AHCY: variants seen among roughly 807,000 people sequenced by gnomAD.
AHCY encodes adenosylhomocysteinase, also known as S-adenosyl-L-homocysteine hydrolase.
In AHCY, 24 loss-of-function variants were observed where a neutral mutation model predicts 45.4. That is an observed-to-expected ratio of 0.53 (90% CI 0.38 to 0.74). AHCY has a LOEUF of 0.74. Ranked by LOEUF, AHCY falls within the 30% of genes least tolerant of loss-of-function variation. The pLI, the probability that AHCY is intolerant of heterozygous loss-of-function variation, is 0.00. For missense variants in AHCY, 449 were observed against 594.1 expected, an observed-to-expected ratio of 0.76 and a Z score of 2.54; for synonymous variants, 245 against 235.1, an observed-to-expected ratio of 1.04 and a Z score of -0.39.
Position 34,292,406 on chromosome 20 carries a change from C to A in AHCY, c.397G>T (p.Gly133Cys). The A allele has an allele frequency of 6.2e-7, 1 of 1,613,826 alleles. No homozygotes were observed. The highest frequency in any genetic ancestry group is 8.5e-7 in the Non-Finnish European group (1 of 1,180,048). ...GPLNMILDDG[G>C]DLTNLIHTKY... ...GTGTGGATGAGGTTGGTGAGGTCGC[C>A]CCCGTCGTCCAGAATCATGTTGAGG... Residue 133 changes from glycine (G) to cysteine (C), a missense_variant, in exon 4 of 10, where the codon GGC (glycine) becomes TGC (cysteine). Coordinates refer to ENST00000217426, the MANE Select transcript of AHCY (RefSeq NM_000687.4).
chr20:34,272,614 C>G, the AHCY span, among the ~76,000 whole-genome samples: 1 of 152,144 alleles, frequency 6.6e-6, no homozygotes, highest in African/African-American at 2.4e-5. Flanking sequence ...AGGCCAGGTG[C>G]AGTAGCTCAC....
intron 1 of AHCY, among the ~76,000 whole-genome samples, chr20:34,310,559 C>G (rs115164438): frequency 6.6e-6 from 1 of 152,330 alleles, no homozygotes; most frequent in African/African-American, 2.4e-5. Flanking sequence ...AGCAGTTCCA[C>G]TTCTAGGAAT....
At chr20:34,254,654 T>C in the AHCY span, among the ~76,000 whole-genome samples, 1 of 152,204 alleles carries the variant, frequency 6.6e-6, no homozygotes, top group Non-Finnish European at 1.5e-5. Context: ...AGCATTAATA[T>C]TTTCATTATA....
At chr20:34,243,934 G>A in the AHCY span, among the ~76,000 whole-genome samples, 1 of 152,024 alleles carries the variant, frequency 6.6e-6, no homozygotes, top group Non-Finnish European at 1.5e-5. Flanking sequence ...GCGTGGTGGC[G>A]GGCGCCTGTA....
chr20:34,273,269 T>C, the AHCY span, among the ~76,000 whole-genome samples: 1 of 149,476 alleles, frequency 6.7e-6, no homozygotes, highest in Non-Finnish European at 1.5e-5. Flanking sequence ...TCCTTTGAGG[T>C]CCCCAAATCT....
At chr20:34,268,228 AT>A in the AHCY span, among the ~76,000 whole-genome samples, 1 of 152,190 alleles carries the variant, frequency 6.6e-6, no homozygotes, top group Non-Finnish European at 1.5e-5. Flanking sequence ...ACCAGTGGCT[AT>A]TTCCTTCCCA....
At chr20:34,261,371 C>A in the AHCY span, among the ~76,000 whole-genome samples, 2 of 152,190 alleles carry the variant, frequency 1.3e-5, no homozygotes, top group African/African-American at 2.4e-5. Flanking sequence ...ACGTGGCATG[C>A]ACCTGTAATC....
the AHCY span, among the ~76,000 whole-genome samples, chr20:34,247,826 G>T: frequency 4.6e-5 from 7 of 152,022 alleles, no homozygotes; most frequent in African/African-American, 9.7e-5. Flanking sequence ...CAAACTCCTG[G>T]TCTCAAGCAA....
chr20:34,260,458 G>A, the AHCY span: 4 of 1,614,154 alleles, frequency 2.5e-6, no homozygotes, highest in African/African-American at 1.3e-5. Flanking sequence ...CACCTGAGGA[G>A]AAGCTCCGAG....
chr20:34,257,043 T>C, the AHCY span, among the ~76,000 whole-genome samples: 2 of 149,588 alleles, frequency 1.3e-5, no homozygotes, highest in Non-Finnish European at 3.0e-5. Flanking sequence ...TCTTTCTTTT[T>C]CTTTCTTTCT....
the AHCY span, among the ~76,000 whole-genome samples, chr20:34,233,729 C>T: frequency 1.3e-5 from 2 of 152,172 alleles, no homozygotes; most frequent in Non-Finnish European, 2.9e-5. Flanking sequence ...AGTATTATCA[C>T]CATCCAGAAA....
the AHCY span, among the ~76,000 whole-genome samples, chr20:34,258,783 A>AG: frequency 8.6e-6 from 1 of 116,374 alleles, no homozygotes; most frequent in African/African-American, 3.0e-5. Flanking sequence ...TATATAGTAT[A>AG]TATATAGTGT....
chr20:34,264,588 T>C, the AHCY span, among the ~76,000 whole-genome samples: 81 of 152,296 alleles, frequency 5.3e-4, no homozygotes, highest in Non-Finnish European at 9.4e-4. Flanking sequence ...ACTTGATTGA[T>C]ACTATAGGTT....
At chr20:34,246,441 C>T in the AHCY span, 1 of 1,405,182 alleles carries the variant, frequency 7.1e-7, no homozygotes, top group Non-Finnish European at 1.0e-6. Context: ...GAACAGACTC[C>T]ACAATAAAGG....
rs918586575 is a variant in AHCY at position 34,285,421 on chromosome 20, G to C, written c.1167+19C>G. 1 of 1,613,474 alleles carries C rather than the reference G, an allele frequency of 6.2e-7. No individual in the cohort carries two copies. The highest frequency in any genetic ancestry group is 8.5e-7 in the Non-Finnish European group (1 of 1,179,636). On this transcript the variant is annotated intron_variant, in intron 9 of 9. Transcript: ENST00000217426. ...ATTAGACACGTGACCCTTGGCTTGAGGTAGAAGAATAAACCCACCTTCTTG... is the reference window on the plus strand; with the variant it reads ...ATTAGACACGTGACCCTTGGCTTGACGTAGAAGAATAAACCCACCTTCTTG...
At chr20:34,303,703 A>G (rs1202193289), upstream of AHCY, among the ~76,000 whole-genome samples, 2 of 152,216 alleles carry the variant, frequency 1.3e-5, no homozygotes, top group East Asian at 3.8e-4. Context: ...TATTATAAGT[A>G]AAGTTGCAGG....
At chr20:34,291,285 G>T (rs1358310367) in intron 5 of AHCY, 134 bp downstream of exon 5, 1 of 851,968 alleles carries the variant, frequency 1.2e-6, no homozygotes. Flanking sequence ...TCATTAGCCT[G>T]TCTATAACCG....
At chr20:34,245,088 C>A in the AHCY span, among the ~76,000 whole-genome samples, 52 of 152,126 alleles carry the variant, frequency 3.4e-4, no homozygotes, top group African/African-American at 1.2e-3. Context: ...GTAATCCCAG[C>A]ACTTTGGGAG....
At position 34,290,964 on chromosome 20, in the gene AHCY, A is replaced by C. The variant is rs1282419972; in HGVS notation, c.559-26T>G. 15 of 1,612,492 alleles carry C rather than the reference A, an allele frequency of 9.3e-6. No individual in the cohort carries two copies. Among genetic ancestry groups the C allele is most frequent in the Non-Finnish European group, 1.3e-5 (15 of 1,178,666 alleles). On this transcript the variant is annotated intron_variant, in intron 5 of 9. Coordinates refer to ENST00000217426, the MANE Select transcript of AHCY (RefSeq NM_000687.4). This position sits in a 1 kb window ranked among gnomAD's most constrained non-coding sequence, Gnocchi z 4.5. ...CTGAAAGGAAAGGGGGTAAGGAGAC[A>C]ATAGGGGCAGGCAAGGCCCTGGGGC... is the stretch of plus-strand genomic sequence containing the variant.
Sources: gnomAD v4.1 joint callset for allele counts (sites outside exome capture counted in the v4.1 genomes callset) on GRCh38, gnomAD v4.1.1 for gene constraint, Gnocchi (gnomAD v3.1) non-coding constraint, MANE v1.5 for transcripts, NCBI Gene and HGNC (gene_info 2026-07-23, HGNC 2026-07-21) for gene names.